COL7A1: variants seen among roughly 807,000 people sequenced by gnomAD.
COL7A1 encodes collagen alpha-1(VII) chain.
COL7A1 carries 296 observed loss-of-function variants against 456.2 expected under a neutral mutation model. The ratio of observed to expected loss-of-function variants is 0.65; its 90% CI spans 0.59 to 0.71. The LOEUF (loss-of-function observed/expected upper bound fraction) is 0.71. Among genes scored for constraint, COL7A1 ranks in the 30% least tolerant of loss-of-function variants. The pLI, the probability that COL7A1 is intolerant of heterozygous loss-of-function variation, is 0.00. For synonymous variants in COL7A1, 1,464 were observed against 1,525.9 expected, an observed-to-expected ratio of 0.96 and a Z score of 0.95; for missense variants, 3,441 against 4,017.2, an observed-to-expected ratio of 0.86 and a Z score of 3.88.
intron 35 of COL7A1, 61 bp from the exon 36 acceptor site, chr3:48,584,617 C>T: frequency 6.2e-7 from 1 of 1,612,280 alleles, no homozygotes; most frequent in Non-Finnish European, 8.5e-7. Flanking sequence ...CTGGAAGAAG[C>T]CCCTAGACAT....
chr3:48,568,318 C>T lies in COL7A1; in HGVS notation c.7795-148G>A. Reference sequence around the variant, plus strand: ...GGGCTTGCCATGGGGACAAGGGTCACCATAGGCAGGGGACACCATCATAGG... The same window carrying T: ...GGGCTTGCCATGGGGACAAGGGTCATCATAGGCAGGGGACACCATCATAGG... On this transcript the variant is annotated intron_variant, in intron 105 of 118. Transcript: ENST00000681320. The surrounding 1 kb of genome is among the most constrained non-coding windows in gnomAD (Gnocchi z 5.2). 9.1e-7 allele frequency: 1 copy of T among 1,102,056 alleles called. No individual in the cohort carries two copies. The highest frequency in any genetic ancestry group is 1.9e-5 in the Admixed American group (1 of 51,378). The allele number at this position is 1,102,056 out of a possible 1,614,324, so 68.3% of individuals were successfully genotyped here.
Position 48,564,442 on chromosome 3 carries a change from A to C in COL7A1, c.8819-20T>G. On this transcript the variant is annotated intron_variant, in intron 118 of 118. Transcript: ENST00000681320. This position sits in a 1 kb window ranked among gnomAD's most constrained non-coding sequence, Gnocchi z 6.0. ...CAGTACCTGGTGAGGACAGGTTGGA[A>C]ACGGTCGTCAGCCATCTGACCTTCC... The C allele has an allele frequency of 6.2e-7, 1 of 1,613,910 alleles. No individual in the cohort carries two copies. Among genetic ancestry groups the C allele is most frequent in the Non-Finnish European group, 8.5e-7 (1 of 1,179,920 alleles).
rs968625343 is a variant in COL7A1, at chr3:48,588,404, G to C, written c.2588C>G (p.Pro863Arg). The C allele has an allele frequency of 6.2e-7, 1 of 1,609,112 alleles. No homozygotes were observed. Among genetic ancestry groups the C allele is most frequent in the Non-Finnish European group, 8.5e-7 (1 of 1,179,728 alleles). ...CCCCAGGGCTGGCGGAGCCTCAGGC[G>C]CTGGAGAGAAAGCTCAGGAATCAGG... ...GTPVSIVVTT[P>R]PEAPPALGTL... is the part of the protein sequence containing the mutation. The change falls in exon 21 of 119, where the codon CCG (proline) becomes CGG (arginine). Residue 863 changes from proline (P) to arginine (R), a missense_variant and splice_region_variant. Around this residue, in one of 3 missense-constraint regions of COL7A1, gnomAD observed 444 missense variants for 427.6 expected, o/e 1.04. Coordinates refer to ENST00000681320, the MANE Select transcript of COL7A1 (RefSeq NM_000094.4). The surrounding 1 kb of genome is among the most constrained non-coding windows in gnomAD (Gnocchi z 4.6).
At position 48,573,026 on chromosome 3, in the gene COL7A1, G is replaced by A. The variant is rs769294243; in HGVS notation, c.6745C>T (p.Gln2249Ter). The A allele has an allele frequency of 1.9e-6, 3 of 1,614,094 alleles. No homozygotes were observed. Among genetic ancestry groups the A allele is most frequent in the South Asian group, 1.1e-5 (1 of 91,086 alleles). The change falls in exon 86 of 119, where the codon CAA becomes TAA. Residue 2249 changes from glutamine to a stop codon, truncating the protein, a stop_gained. Coordinates refer to ENST00000681320, the MANE Select transcript of COL7A1 (RefSeq NM_000094.4). LOFTEE classifies it high-confidence loss of function. The surrounding 1 kb of genome is among the most constrained non-coding windows in gnomAD (Gnocchi z 5.5). ...GPQGSPGLPG[Q>*]VGETGKPGAP... ...CCTTGACCCCCAGAACTCACCACTT[G>A]TCCAGGCAAACCTGGAGACCCCTGT...
At position 48,564,787 on chromosome 3, in the gene COL7A1, C is replaced by T. The variant is rs2107625132; in HGVS notation, c.8814G>A (p.Gly2938=). 6.2e-7 allele frequency: 1 copy of T among 1,613,610 alleles called. No individual in the cohort carries two copies. Among genetic ancestry groups the T allele is most frequent in the Non-Finnish European group, 8.5e-7 (1 of 1,179,862 alleles). ...CGGTGGGGGCTCAGCCCATACCTGT[C>T]CCCTGGCTCTGGACCACCCGGGGTG... The part of the protein sequence containing the change: ...RCPPRVVQSQ[G]TGTAQD The change falls in exon 118 of 119, where the codon GGG becomes GGA. Residue 2938 remains glycine (G), a synonymous_variant. Transcript: ENST00000681320. The surrounding 1 kb of genome is among the most constrained non-coding windows in gnomAD (Gnocchi z 6.0).
rs765144700 is a variant in COL7A1 at position 48,590,650 on chromosome 3, C to T, written c.1780+23G>A. The stretch of plus-strand genomic sequence containing the variant: ...CAGAGTGAGGCAGGCAGCTGTCCTC[C>T]ACAAGCCTCCTGCAGTACTCACCCC... On this transcript the variant is annotated intron_variant, in intron 14 of 118. Transcript: ENST00000681320. The surrounding 1 kb of genome is among the most constrained non-coding windows in gnomAD (Gnocchi z 4.6). 2 of 1,613,882 alleles carry T rather than the reference C, an allele frequency of 1.2e-6. No homozygotes were observed. Among genetic ancestry groups the T allele is most frequent in the East Asian group, 4.5e-5 (2 of 44,894 alleles).
chr3:48,592,954 CAG>C lies in COL7A1; in HGVS notation c.683-18_683-17del. The C allele has an allele frequency of 6.2e-7, 1 of 1,613,328 alleles. No homozygotes were observed. The highest frequency in any genetic ancestry group is 8.5e-7 in the Non-Finnish European group (1 of 1,179,894). On this transcript the variant is annotated splice_polypyrimidine_tract_variant and intron_variant, in intron 6 of 118. Coordinates refer to ENST00000681320, the MANE Select transcript of COL7A1 (RefSeq NM_000094.4). The surrounding 1 kb of genome is among the most constrained non-coding windows in gnomAD (Gnocchi z 7.6). Reference sequence around the variant, plus strand: ...GAGTCATCCGCTGGGAATGCGGGATCAGGGGATCAGGCAGGAGGATTGGGGTG... The same window carrying C: ...GAGTCATCCGCTGGGAATGCGGGATCGGGATCAGGCAGGAGGATTGGGGTG...
chr3:48,581,138 C>T lies in COL7A1; in HGVS notation c.4919G>A (p.Gly1640Asp). ...RGRDGEVGEK[G>D]DEGPPGDPGL... ...GAGTCTCACCGGAGGACCCTCGTCA[C>T]CTTTCTCTCCAACTTCACCCTGTGA... is the stretch of plus-strand genomic sequence containing the variant. Residue 1640 changes from glycine (G) to aspartate (D), a missense_variant, in exon 53 of 119, where the codon GGT becomes GAT. Transcript: ENST00000681320. The surrounding 1 kb of genome is among the most constrained non-coding windows in gnomAD (Gnocchi z 5.8). 1 of 1,613,966 alleles carries T rather than the reference C, an allele frequency of 6.2e-7. No individual in the cohort carries two copies. Among genetic ancestry groups the T allele is most frequent in the East Asian group, 2.2e-5 (1 of 44,876 alleles).
At chr3:48,589,266 A>G (rs904780403) in intron 18 of COL7A1, 61 bp downstream of exon 18, 19 of 1,607,368 alleles carry the variant, frequency 1.2e-5, no homozygotes, top group Non-Finnish European at 1.4e-5. Flanking sequence ...GCAATCAGGA[A>G]CACACAGCAG....
At position 48,566,204 on chromosome 3, in the gene COL7A1, C is replaced by T. The variant is rs2043597120; in HGVS notation, c.8407+63G>A. ...CTGCTTGCCCTGTAAGTTCTAGGGG[C>T]CTGCCTGCCCTTGCCTAGGGTGCTG... On this transcript the variant is annotated intron_variant, in intron 114 of 118. Transcript: ENST00000681320. This position sits in a 1 kb window ranked among gnomAD's most constrained non-coding sequence, Gnocchi z 5.9. The T allele has an allele frequency of 6.5e-7, 1 of 1,541,646 alleles. No homozygotes were observed. Among genetic ancestry groups the T allele is most frequent in the African/African-American group, 1.4e-5 (1 of 73,558 alleles).
In COL7A1 at chr3:48,569,576, AC is replaced by A; in HGVS notation, c.7614+15del. 1 of 1,613,552 alleles carries A rather than the reference AC, an allele frequency of 6.2e-7. No homozygotes were observed. Among genetic ancestry groups the A allele is most frequent in the South Asian group, 1.1e-5 (1 of 91,078 alleles). ...CGCACCCAGGGGAGACCCAGTCCAC[AC>A]GTGGGCCCACTCACCATGTCCCCCT... On this transcript the variant is annotated intron_variant, in intron 102 of 118. Coordinates refer to ENST00000681320, the MANE Select transcript of COL7A1 (RefSeq NM_000094.4). The surrounding 1 kb of genome is among the most constrained non-coding windows in gnomAD (Gnocchi z 4.9).
In COL7A1 at chr3:48,570,244, G is replaced by A. The variant is rs781424029; in HGVS notation, c.7440+31C>T. The A allele has an allele frequency of 6.2e-7, 1 of 1,614,010 alleles. No homozygotes were observed. Among genetic ancestry groups the A allele is most frequent in the Non-Finnish European group, 8.5e-7 (1 of 1,179,942 alleles). The stretch of plus-strand genomic sequence containing the variant: ...ATCAGAGGCAAGAGCTGGGATGAAG[G>A]GAGTTCGGCTGTGGAGTAAGACATA... On this transcript the variant is annotated intron_variant, in intron 98 of 118. Transcript: ENST00000681320. The surrounding 1 kb of genome is among the most constrained non-coding windows in gnomAD (Gnocchi z 5.5).
At position 48,570,759 on chromosome 3, in the gene COL7A1, C is replaced by T. The variant is rs1473636204; in HGVS notation, c.7273-49G>A. 1 of 1,557,966 alleles carries T rather than the reference C, an allele frequency of 6.4e-7. No homozygotes were observed. Among genetic ancestry groups the T allele is most frequent in the South Asian group, 1.2e-5 (1 of 85,154 alleles). On this transcript the variant is annotated intron_variant, in intron 95 of 118. Transcript: ENST00000681320. The surrounding 1 kb of genome is among the most constrained non-coding windows in gnomAD (Gnocchi z 5.5). ...AGGCAGAGAGTGACTTGGGAACCCT[C>T]CTACCCTCTGCCCCCTCAAGACTGG...
In COL7A1 at chr3:48,571,135, C is replaced by G; in HGVS notation, c.7130G>C (p.Gly2377Ala). 6.2e-7 allele frequency: 1 copy of G among 1,614,066 alleles called. No homozygotes were observed. Among genetic ancestry groups the G allele is most frequent in the Non-Finnish European group, 8.5e-7 (1 of 1,180,024 alleles). The part of the protein sequence containing the change: ...FKGDPGVGVP[G>A]SPGPPGPPGV... ...TGGAGGGCCAGGAGGCCCAGGGGAG[C>G]CCGGGACCCCGACTCCTGGGTCACC... Residue 2377 changes from glycine (G) to alanine (A), a missense_variant, in exon 94 of 119, where the codon GGC becomes GCC. Around this residue, in one of 3 missense-constraint regions of COL7A1, gnomAD observed 2,084 missense variants for 2,501.3 expected, o/e 0.83. Transcript: ENST00000681320. This position sits in a 1 kb window ranked among gnomAD's most constrained non-coding sequence, Gnocchi z 4.6.
Position 48,579,977 on chromosome 3 carries a change from C to T in COL7A1, c.5124+54G>A. 1 of 1,613,246 alleles carries T rather than the reference C, an allele frequency of 6.2e-7. No homozygotes were observed. Among genetic ancestry groups the T allele is most frequent in the Non-Finnish European group, 8.5e-7 (1 of 1,179,322 alleles). On this transcript the variant is annotated intron_variant, in intron 57 of 118. Transcript: ENST00000681320. The surrounding 1 kb of genome is among the most constrained non-coding windows in gnomAD (Gnocchi z 4.4). ...AGGAATGAGGGGACATGATGTGGAGCCAAAGGGGCAAGTGAGAACAATGAC... is the reference window on the plus strand; with the variant it reads ...AGGAATGAGGGGACATGATGTGGAGTCAAAGGGGCAAGTGAGAACAATGAC...
chr3:48,586,321 C>T lies in COL7A1; in HGVS notation c.3550+11G>A, dbSNP rs2045256350. The T allele has an allele frequency of 6.2e-7, 1 of 1,613,872 alleles. No homozygotes were observed. Among genetic ancestry groups the T allele is most frequent in the African/African-American group, 1.3e-5 (1 of 75,056 alleles). On this transcript the variant is annotated intron_variant, in intron 27 of 118. Transcript: ENST00000681320. This position sits in a 1 kb window ranked among gnomAD's most constrained non-coding sequence, Gnocchi z 5.1. The stretch of plus-strand genomic sequence containing the variant: ...ATTCCCAGACCCCTTCCCCATCAGC[C>T]TACTCCTTACCAGAAGCCTGGGCCT...
chr3:48,581,604 T>A lies in COL7A1; in HGVS notation c.4751A>T (p.Asp1584Val). The A allele has an allele frequency of 6.2e-7, 1 of 1,613,988 alleles. No homozygotes were observed. Among genetic ancestry groups the A allele is most frequent in the Non-Finnish European group, 8.5e-7 (1 of 1,179,994 alleles). The change falls in exon 50 of 119, where the codon GAC becomes GTC. Residue 1584 changes from aspartate (D) to valine (V), a missense_variant. Around this residue, in one of 3 missense-constraint regions of COL7A1, gnomAD observed 2,084 missense variants for 2,501.3 expected, o/e 0.83. Coordinates refer to ENST00000681320, the MANE Select transcript of COL7A1 (RefSeq NM_000094.4). This position sits in a 1 kb window ranked among gnomAD's most constrained non-coding sequence, Gnocchi z 5.8. ...TCCAGGGTCTCCCTTGGGGCCAGGG[T>A]CTCCAGGAAGAACCAAGCCGGGTGG... is the stretch of plus-strand genomic sequence containing the variant. ...RGPPGLVLPG[D>V]PGPKGDPGDR...
At position 48,571,464 on chromosome 3, in the gene COL7A1, C is replaced by CA; in HGVS notation, c.7069-187dup. The CA allele has an allele frequency of 1.3e-6, 1 of 759,138 alleles. No homozygotes were observed. Among genetic ancestry groups the CA allele is most frequent in the South Asian group, 1.5e-5 (1 of 67,634 alleles). The allele number at this position is 759,138 out of a possible 1,614,324, so 47.0% of individuals were successfully genotyped here. ...ATGGCCTATCTCAGGACAGCACAGA[C>CA]AGAGGGACGCTCAGATACTACCATA... On this transcript the variant is annotated intron_variant, in intron 92 of 118. Coordinates refer to ENST00000681320, the MANE Select transcript of COL7A1 (RefSeq NM_000094.4). This position sits in a 1 kb window ranked among gnomAD's most constrained non-coding sequence, Gnocchi z 4.6.
In COL7A1 at chr3:48,565,185, C is replaced by T; in HGVS notation, c.8544G>A (p.Glu2848=). ...HAEEEERVPP[E]DDEYSEYSEY... ...CGGAGTATTCAGAGTACTCATCATCCTCAGGGGGTACCCGCTCTGCAGGTA... is the reference window on the plus strand; with the variant it reads ...CGGAGTATTCAGAGTACTCATCATCTTCAGGGGGTACCCGCTCTGCAGGTA... The change falls in exon 117 of 119, where the codon GAG becomes GAA. Residue 2848 remains glutamate (E), a synonymous_variant. Transcript: ENST00000681320. This position sits in a 1 kb window ranked among gnomAD's most constrained non-coding sequence, Gnocchi z 4.5. The T allele has an allele frequency of 1.2e-6, 2 of 1,613,812 alleles. No homozygotes were observed. The highest frequency in any genetic ancestry group is 2.7e-5 in the African/African-American group (2 of 75,044).
Sources: allele counts gnomAD v4.1 joint callset, GRCh38; gene constraint gnomAD v4.1.1; regional missense constraint gnomAD v4.1.1; non-coding constraint Gnocchi (gnomAD v3.1); transcripts MANE v1.5; gene names NCBI Gene and HGNC (gene_info 2026-07-23, HGNC 2026-07-21).